Variants in OSBPL6 observed in about 807,000 individuals in gnomAD.
OSBPL6 encodes oxysterol-binding protein-related protein 6.
OSBPL6 carries 49 observed loss-of-function variants against 125.8 expected under a neutral mutation model. The ratio of observed to expected loss-of-function variants is 0.39; its 90% CI spans 0.31 to 0.49. The LOEUF is 0.49. OSBPL6 is among the 20% of genes least tolerant of loss of function. The pLI is 0.88. For synonymous variants in OSBPL6, 394 were observed against 391.8 expected (o/e 1.01, Z -0.07); for missense variants, 986 against 1,135.4 (o/e 0.87, Z 1.89).
chr2:178,384,683 C>G (rs1694776761), intron 18 of OSBPL6, among the ~76,000 whole-genome samples: 1 of 152,102 alleles, frequency 6.6e-6, no homozygotes, highest in Admixed American at 6.5e-5. Flanking sequence ...AGGAAGTAAT[C>G]AGATATGCAT....
chr2:178,206,858 G>A (rs868033307), intron 1 of OSBPL6, among the ~76,000 whole-genome samples: 9 of 151,938 alleles, frequency 5.9e-5, no homozygotes, highest in African/African-American at 1.7e-4. Context: ...CAGGTGATCC[G>A]CCCACCTCAG....
intron 8 of OSBPL6, among the ~76,000 whole-genome samples, chr2:178,333,422 A>G (rs554860378): frequency 6.6e-6 from 1 of 152,292 alleles, no homozygotes; most frequent in South Asian, 2.1e-4. Context: ...AAAGAAAATT[A>G]TGCAAATGCA....
chr2:178,286,276 A>G (rs1466351276), intron 2 of OSBPL6, among the ~76,000 whole-genome samples: 3 of 152,188 alleles, frequency 2.0e-5, no homozygotes, highest in Non-Finnish European at 4.4e-5. Context: ...CTTTGCTAGT[A>G]TTTTGCATTC....
chr2:178,204,799 C>T (rs2089446569), intron 1 of OSBPL6, among the ~76,000 whole-genome samples: 1 of 152,146 alleles, frequency 6.6e-6, no homozygotes, highest in African/African-American at 2.4e-5. Context: ...TGGAAGCCCA[C>T]CTGAGAGGGA....
intron 1 of OSBPL6, among the ~76,000 whole-genome samples, chr2:178,222,795 A>G (rs1403898392): frequency 6.6e-6 from 1 of 152,228 alleles, no homozygotes; most frequent in Non-Finnish European, 1.5e-5. Flanking sequence ...AAGAAATAAA[A>G]ATCTCCTATA....
At chr2:178,350,078 A>G (rs556354008) in intron 12 of OSBPL6, among the ~76,000 whole-genome samples, 1 of 152,358 alleles carries the variant, frequency 6.6e-6, no homozygotes, top group South Asian at 2.1e-4. Flanking sequence ...TCTATTGGTC[A>G]AAGCACCATA....
intron 15 of OSBPL6, among the ~76,000 whole-genome samples, chr2:178,378,328 A>G (rs749536936): frequency 7.9e-5 from 12 of 152,216 alleles, no homozygotes; most frequent in Non-Finnish European, 1.3e-4. Context: ...TACTCAATAA[A>G]TATCTGCTAA....
intron 1 of OSBPL6, among the ~76,000 whole-genome samples, chr2:178,229,291 A>G (rs1412590240): frequency 1.3e-5 from 2 of 152,242 alleles, no homozygotes; most frequent in African/African-American, 4.8e-5. Flanking sequence ...AAGATAGATT[A>G]GAGCCTTGTC....
chr2:178,390,405 C>A (rs1695302522), intron 21 of OSBPL6, among the ~76,000 whole-genome samples: 1 of 152,196 alleles, frequency 6.6e-6, no homozygotes, highest in South Asian at 2.1e-4. Flanking sequence ...GCTCTGTTCA[C>A]ACCCCCACAA....
intron 1 of OSBPL6, among the ~76,000 whole-genome samples, chr2:178,236,581 T>C (rs1216287055): frequency 2.6e-5 from 4 of 152,168 alleles, no homozygotes; most frequent in Non-Finnish European, 4.4e-5. Flanking sequence ...CTGTGGGAGA[T>C]ACCAGGGGAT....
rs1695860512 is a variant in OSBPL6 at position 178,396,614 on chromosome 2, A to C, written c.*1055A>C. The C allele has an allele frequency of 6.6e-6, 1 of 152,236 alleles. No individual in the cohort carries two copies. The highest frequency in any genetic ancestry group is 2.4e-5 in the African/African-American group (1 of 41,466). 9.4% of individuals were successfully genotyped at this position (152,236 alleles called of 1,614,324 possible). A position where few individuals can be genotyped will look rare whatever the true frequency, so the allele number is the denominator to read the frequency against. On this transcript the variant is annotated 3_prime_UTR_variant, in exon 25 of 25. Coordinates refer to ENST00000190611, the MANE Select transcript of OSBPL6 (RefSeq NM_032523.4). ...TGCCCGCTCCACTGACACTAGTCGA[A>C]TTCCACTGAGAACAGAAGCAAGAAT...
intron 1 of OSBPL6, among the ~76,000 whole-genome samples, chr2:178,204,902 A>G (rs1350446180): frequency 3.3e-5 from 5 of 152,174 alleles, no homozygotes; most frequent in Non-Finnish European, 7.4e-5. Context: ...TTACTTATTC[A>G]GTGCCTACTC....
At position 178,400,636 on chromosome 2, in the gene OSBPL6, T is replaced by A. The variant is rs1228734537; in HGVS notation, c.*5077T>A. On this transcript the variant is annotated 3_prime_UTR_variant, in exon 25 of 25. Transcript: ENST00000190611. Reference sequence around the variant, plus strand: ...AAGGTATAACCGACATATAATACACTTCGCATATTTGAACAGTACTTGATA... The same window carrying A: ...AAGGTATAACCGACATATAATACACATCGCATATTTGAACAGTACTTGATA... 1 of 152,176 alleles carries A rather than the reference T, an allele frequency of 6.6e-6. No individual in the cohort carries two copies. Among genetic ancestry groups the A allele is most frequent in the Non-Finnish European group, 1.5e-5 (1 of 68,024 alleles). The allele number at this position is 152,176 out of a possible 1,614,324, so 9.4% of individuals were successfully genotyped here.
chr2:178,296,116 GC>G (rs1238669568), intron 2 of OSBPL6, among the ~76,000 whole-genome samples: 3 of 152,144 alleles, frequency 2.0e-5, no homozygotes, highest in African/African-American at 7.2e-5. Flanking sequence ...CGGCATACCT[GC>G]TGCCTGCTGG....
intron 2 of OSBPL6, among the ~76,000 whole-genome samples, chr2:178,292,632 C>A (rs902840242): frequency 3.9e-5 from 6 of 152,052 alleles, no homozygotes; most frequent in African/African-American, 1.4e-4. Context: ...GGCTTTAATT[C>A]ATCCATCCAT....
At chr2:178,366,052 G>C (rs1023962103) in intron 13 of OSBPL6, among the ~76,000 whole-genome samples, 27 of 152,106 alleles carry the variant, frequency 1.8e-4, no homozygotes, top group African/African-American at 6.5e-4. Context: ...CACCACGTCC[G>C]GCTAATTTTT....
chr2:178,282,680 T>G lies in OSBPL6; in HGVS notation c.-350-2247T>G, dbSNP rs1684318070. Among the ~76,000 whole-genome samples, 3 of 152,310 alleles carry G rather than the reference T, an allele frequency of 2.0e-5. No individual in the cohort carries two copies. The South Asian group carries it at 6.2e-4, about 32-fold the overall frequency. On this transcript the variant is annotated intron_variant, in intron 1 of 24. Transcript: ENST00000190611. ...TTGTTTTTTGTTTTTAGACAGAGTT[T>G]CGCTCTTGTTGCCCAGGCTGGACTG...
intron 2 of OSBPL6, among the ~76,000 whole-genome samples, chr2:178,295,842 T>G (rs968778323): frequency 2.6e-5 from 4 of 152,154 alleles, no homozygotes; most frequent in African/African-American, 9.6e-5. Flanking sequence ...AGTCATTTTT[T>G]GTAAGCTATC....
intron 12 of OSBPL6, among the ~76,000 whole-genome samples, chr2:178,357,152 C>G (rs1691871178): frequency 2.0e-5 from 3 of 152,158 alleles, no homozygotes; most frequent in Admixed American, 2.0e-4. Flanking sequence ...AAAACCTTAG[C>G]AATACTATTC....
Sources: allele counts gnomAD v4.1 joint callset (sites outside exome capture counted in the v4.1 genomes callset), GRCh38; gene constraint gnomAD v4.1.1; transcripts MANE v1.5; gene names NCBI Gene and HGNC (gene_info 2026-07-23, HGNC 2026-07-21).